Variants in ECD observed in about 807,000 individuals in gnomAD.
ECD encodes ecdysoneless cell cycle regulator, also known as protein ecdysoneless homolog.
A neutral mutation model predicts 77.2 loss-of-function variants in ECD; 59 were observed. That is an observed-to-expected ratio of 0.76 (90% confidence interval 0.62 to 0.95). The LOEUF is 0.95. ECD is among the 40% of genes least tolerant of loss of function. ECD has a pLI of 0.00. For synonymous variants in ECD, 233 were observed against 267.4 expected (o/e 0.87, Z 1.26); for missense variants, 704 against 763.4 (o/e 0.92, Z 0.92).
At chr10:73,150,910 A>G (rs2133261035) in intron 7 of ECD, among the ~76,000 whole-genome samples, 1 of 152,212 alleles carries the variant, frequency 6.6e-6, no homozygotes, top group South Asian at 2.1e-4. Context: ...AAATAGGAAC[A>G]CTTTTACACT....
Position 73,156,672 on chromosome 10 carries a change from T to G in ECD, c.324-17A>C. ...TCTTCAATCCTAATGCAAGAAAATTTCCAATTTTGCATTCAAAAAGCATAT... is the reference window on the plus strand; with the variant it reads ...TCTTCAATCCTAATGCAAGAAAATTGCCAATTTTGCATTCAAAAAGCATAT... On this transcript the variant is annotated splice_polypyrimidine_tract_variant and intron_variant, in intron 3 of 13. Transcript: ENST00000372979. The G allele has an allele frequency of 3.7e-6, 6 of 1,610,728 alleles. No homozygotes were observed. Among genetic ancestry groups the G allele is most frequent in the Non-Finnish European group, 5.1e-6 (6 of 1,178,776 alleles).
At chr10:73,154,596 C>T (rs1744764299) in intron 5 of ECD, 148 bp from the exon 6 acceptor site, 2 of 654,132 alleles carry the variant, frequency 3.1e-6, no homozygotes, top group South Asian at 3.4e-5. Flanking sequence ...ACTGTATATA[C>T]ACTTAAGAAT....
intron 9 of ECD, among the ~76,000 whole-genome samples, chr10:73,142,431 G>A (rs558551153): frequency 5.9e-5 from 9 of 151,700 alleles, no homozygotes; most frequent in South Asian, 2.1e-4. Context: ...TCAGGAGATC[G>A]AGACCATCCT....
At chr10:73,162,842 A>G (rs1843399153) in intron 2 of ECD, among the ~76,000 whole-genome samples, 1 of 152,176 alleles carries the variant, frequency 6.6e-6, no homozygotes, top group Admixed American at 6.5e-5. Context: ...TTAAACTTCA[A>G]AGGCCAGCTG....
At position 73,139,293 on chromosome 10, in the gene ECD, C is replaced by T. The variant is rs373470186; in HGVS notation, c.1421+16G>A. 274 of 1,590,584 alleles carry T rather than the reference C, an allele frequency of 1.7e-4. No homozygotes were observed. The highest frequency in any genetic ancestry group is 2.3e-4 in the Non-Finnish European group (265 of 1,172,062). On this transcript the variant is annotated intron_variant, in intron 11 of 13. Transcript: ENST00000372979. ...GGTTCTAGCTATTTATATATTTATACTTTAACACAAATTACCGAGGCAGCT... is the reference window on the plus strand; with the variant it reads ...GGTTCTAGCTATTTATATATTTATATTTTAACACAAATTACCGAGGCAGCT...
At chr10:73,155,139 C>G (rs1191249167) in intron 5 of ECD, among the ~76,000 whole-genome samples, 1 of 151,992 alleles carries the variant, frequency 6.6e-6, no homozygotes, top group African/African-American at 2.4e-5. Flanking sequence ...ACCTCCACCT[C>G]CCTGCAACCT....
intron 2 of ECD, among the ~76,000 whole-genome samples, chr10:73,161,164 CAA>C (rs59553109): frequency 4.0e-5 from 5 of 124,370 alleles, no homozygotes; most frequent in South Asian, 2.5e-4. Context: ...ACCTATACCT[CAA>C]AAAAAAAAAA....
intron 7 of ECD, among the ~76,000 whole-genome samples, chr10:73,150,340 G>T (rs544460608): frequency 1.3e-5 from 2 of 152,172 alleles, no homozygotes; most frequent in African/African-American, 4.8e-5. Flanking sequence ...GCTGAAACTG[G>T]ATCCCTTCCT....
chr10:73,143,290 T>G (rs1040045579), intron 9 of ECD, among the ~76,000 whole-genome samples: 1 of 152,180 alleles, frequency 6.6e-6, no homozygotes, highest in Non-Finnish European at 1.5e-5. Context: ...TGCCTCAGCC[T>G]CCCGAGCAGC....
chr10:73,151,845 C>G (rs1239138772), intron 7 of ECD, among the ~76,000 whole-genome samples: 2 of 152,110 alleles, frequency 1.3e-5, no homozygotes, highest in East Asian at 3.9e-4. Flanking sequence ...AACACTTTTT[C>G]CAGATTTGCT....
chr10:73,160,513 C>T lies in ECD; in HGVS notation c.244G>A (p.Gly82Arg), dbSNP rs139306977. ...AACCATTCATCCTCAATGTTATCCC[C>T]AAACTTTGTCACGCCAAACATATGA... ...PAHMFGVTKF[G>R]DNIEDEWFIV... The change falls in exon 3 of 14, where the codon GGG becomes AGG. Residue 82 changes from glycine to arginine, a missense_variant. Transcript: ENST00000372979. 10 of 1,611,448 alleles carry T rather than the reference C, an allele frequency of 6.2e-6. No individual in the cohort carries two copies. Among genetic ancestry groups the T allele is most frequent in the Non-Finnish European group, 6.8e-6 (8 of 1,178,934 alleles).
rs1269167402 is a variant in ECD at position 73,167,955 on chromosome 10, G to T, written c.-103C>A. The T allele has an allele frequency of 4.4e-6, 1 of 227,364 alleles. No homozygotes were observed. The highest frequency in any genetic ancestry group is 5.7e-5 in the Admixed American group (1 of 17,644). 14.1% of individuals were successfully genotyped at this position (227,364 alleles called of 1,614,324 possible). On this transcript the variant is annotated 5_prime_UTR_variant, in exon 1 of 14. Coordinates refer to ENST00000372979, the MANE Select transcript of ECD (RefSeq NM_007265.3). ...GAGAGCTGATCGAGAGCTGCCACCG[G>T]CCGCCGAAGCCTGGATCAGGCTCTG...
At chr10:73,135,098 A>C (rs1842961403) in intron 13 of ECD, among the ~76,000 whole-genome samples, 1 of 152,240 alleles carries the variant, frequency 6.6e-6, no homozygotes. Flanking sequence ...GGGCTAATAG[A>C]ATTAAGAAGG....
Position 73,139,848 on chromosome 10 carries a change from TG to T in ECD, c.1128-112del, listed in dbSNP as rs374384690. 913 of 575,798 alleles carry T rather than the reference TG, an allele frequency of 1.6e-3. 8 individuals carry two copies. Among genetic ancestry groups the T allele is most frequent in the East Asian group, 6.4e-3 (153 of 23,960 alleles). The allele number at this position is 575,798 out of a possible 1,614,324, so 35.7% of individuals were successfully genotyped here. A position where few individuals can be genotyped will look rare whatever the true frequency, so the allele number is the denominator to read the frequency against. ...GGATTAGCTAGTCTAATTTGGGGAG[TG>T]TTTTTTTTTTTTTTTTTTAAGAGAT... On this transcript the variant is annotated intron_variant, in intron 9 of 13. Coordinates refer to ENST00000372979, the MANE Select transcript of ECD (RefSeq NM_007265.3).
intron 13 of ECD, among the ~76,000 whole-genome samples, chr10:73,136,314 C>T (rs1330707443): frequency 1.3e-5 from 2 of 152,094 alleles, no homozygotes; most frequent in African/African-American, 4.8e-5. Flanking sequence ...TTGTTTTAAT[C>T]CACTGTGGCC....
intron 7 of ECD, among the ~76,000 whole-genome samples, chr10:73,148,844 G>A (rs963994097): frequency 6.6e-6 from 1 of 152,108 alleles, no homozygotes; most frequent in African/African-American, 2.4e-5. Context: ...AATAATAGAT[G>A]CACATGGCTA....
rs767965184 is a variant in ECD at position 73,156,263 on chromosome 10, T to C, written c.590+12A>G. 1 of 1,550,182 alleles carries C rather than the reference T, an allele frequency of 6.5e-7. No homozygotes were observed. Among genetic ancestry groups the C allele is most frequent in the Non-Finnish European group, 8.7e-7 (1 of 1,154,004 alleles). ...GTTCCTTAATTAGCAATGAAAGTGA[T>C]ATTTTTCTTACCCTCTGATGCGCCT... On this transcript the variant is annotated intron_variant, in intron 5 of 13. Coordinates refer to ENST00000372979, the MANE Select transcript of ECD (RefSeq NM_007265.3).
At chr10:73,160,628 G>T in intron 2 of ECD, 77 bp from the exon 3 acceptor site, 2 of 1,044,158 alleles carry the variant, frequency 1.9e-6, no homozygotes, top group Non-Finnish European at 2.8e-6. Context: ...TCATTCAACT[G>T]AATACACATT....
chr10:73,160,725 G>A (rs1338168189), intron 2 of ECD, among the ~76,000 whole-genome samples, 174 bp from the exon 3 acceptor site: 1 of 152,176 alleles, frequency 6.6e-6, no homozygotes, highest in Non-Finnish European at 1.5e-5. Flanking sequence ...GGTAAAACAA[G>A]ACAACCAAAT....
Sources: gnomAD v4.1 joint callset for allele counts (sites outside exome capture counted in the v4.1 genomes callset) on GRCh38, gnomAD v4.1.1 for gene constraint, MANE v1.5 for transcripts, NCBI Gene and HGNC (gene_info 2026-07-23, HGNC 2026-07-21) for gene names.